Variants in MTFR1 observed in about 807,000 individuals in gnomAD.
MTFR1 encodes chondrocyte protein with a poly-proline region.
MTFR1 carries 28 observed loss-of-function variants against 38.8 expected under a neutral mutation model. That is an observed-to-expected ratio of 0.72 (90% CI 0.53 to 0.99). The LOEUF (loss-of-function observed/expected upper bound fraction) is 0.99. MTFR1 is among the 50% of genes least tolerant of loss of function. The pLI is 0.00. For missense variants in MTFR1, 358 were observed against 395.5 expected (o/e 0.91, Z 0.81); for synonymous variants, 145 against 137.0 (o/e 1.06, Z -0.41).
chr8:65,666,125 A>G lies in MTFR1; in HGVS notation c.-80-3748A>G, dbSNP rs182255979. On this transcript the variant is annotated intron_variant, in intron 1 of 7. Coordinates refer to ENST00000262146, the MANE Select transcript of MTFR1 (RefSeq NM_014637.4). Reference sequence around the variant, plus strand: ...GAAAATATTAAAATAGAAAACACCCAGCTGGGCACAGTGCCTCAGGCCTGT... The same window carrying G: ...GAAAATATTAAAATAGAAAACACCCGGCTGGGCACAGTGCCTCAGGCCTGT... Among the ~76,000 whole-genome samples, 115 of 152,276 alleles carry G rather than the reference A, an allele frequency of 7.6e-4. 2 individuals carry two copies. The highest frequency in any genetic ancestry group is 1.1e-3 in the Non-Finnish European group (72 of 68,002).
intron 1 of MTFR1, among the ~76,000 whole-genome samples, chr8:65,656,614 G>A (rs907965189): frequency 6.6e-6 from 1 of 150,560 alleles, no homozygotes; most frequent in Non-Finnish European, 1.5e-5. Context: ...CGATTCTCAC[G>A]CCTCAGCCTC....
intron 3 of MTFR1, among the ~76,000 whole-genome samples, chr8:65,769,981 A>G (rs1808997717): frequency 6.6e-6 from 1 of 151,412 alleles, no homozygotes; most frequent in Non-Finnish European, 1.5e-5. Flanking sequence ...GAATAATTTC[A>G]TAATACCATA....
At chr8:65,735,494 A>G (rs937757041) in intron 3 of MTFR1, among the ~76,000 whole-genome samples, 2 of 151,854 alleles carry the variant, frequency 1.3e-5, no homozygotes, top group Non-Finnish European at 2.9e-5. Flanking sequence ...TATTTTTTAT[A>G]AAGACAGGAT....
At chr8:65,663,727 C>G (rs1804280904) in intron 1 of MTFR1, among the ~76,000 whole-genome samples, 2 of 151,380 alleles carry the variant, frequency 1.3e-5, no homozygotes, top group African/African-American at 2.4e-5. Context: ...GTCCAATTAC[C>G]TTGGGAAATG....
intron 1 of MTFR1, among the ~76,000 whole-genome samples, chr8:65,649,942 G>A (rs1046416491): frequency 2.0e-5 from 3 of 151,802 alleles, no homozygotes; most frequent in Non-Finnish European, 2.9e-5. Context: ...GGGTTCAAGC[G>A]ATTCTCCTGC....
chr8:65,733,515 A>T lies in MTFR1; in HGVS notation c.*48+14034A>T, dbSNP rs190869054. On this transcript the variant is annotated intron_variant, in intron 3 of 3. Coordinates refer to the MTFR1 transcript ENST00000521247. ...GAGACCCTGTCTCTACAAAAAATTT[A>T]AAAAATTAGCTGGCCTCCAGCTTGA... is the stretch of plus-strand genomic sequence containing the variant. 5.2e-3 allele frequency among the ~76,000 whole-genome samples: 789 copies of T among 152,212 alleles called. 6 individuals are homozygous for T. The highest frequency in any genetic ancestry group is 6.4e-3 in the Non-Finnish European group (436 of 68,010).
chr8:65,720,900 A>C (rs1420091750), intron 3 of MTFR1, among the ~76,000 whole-genome samples: 3 of 152,172 alleles, frequency 2.0e-5, no homozygotes, highest in Admixed American at 6.5e-5. Context: ...AAGCCACTGG[A>C]GTTATCTACC....
At chr8:65,754,730 G>A (rs1387302085) in intron 3 of MTFR1, among the ~76,000 whole-genome samples, 2 of 150,594 alleles carry the variant, frequency 1.3e-5, no homozygotes, top group African/African-American at 4.9e-5. Flanking sequence ...ACTTTGGGAG[G>A]CTGAGGCGAG....
chr8:65,677,475 C>T (rs1342949062), intron 2 of MTFR1, among the ~76,000 whole-genome samples: 1 of 149,000 alleles, frequency 6.7e-6, no homozygotes, highest in African/African-American at 2.5e-5. Context: ...CTCTGCCTCC[C>T]AGGTTTAAGC....
chr8:65,761,615 T>TA (rs1481913488), intron 3 of MTFR1, among the ~76,000 whole-genome samples: 1 of 152,200 alleles, frequency 6.6e-6, no homozygotes, highest in Non-Finnish European at 1.5e-5. Context: ...GGCTCTTTTC[T>TA]AAAATATCAC....
chr8:65,645,809 G>A (rs1049872289), intron 1 of MTFR1, among the ~76,000 whole-genome samples: 3 of 151,732 alleles, frequency 2.0e-5, no homozygotes, highest in South Asian at 2.1e-4. Context: ...GATTACAGGC[G>A]GGAGTCATCG....
rs1369150443 is a variant in MTFR1, at chr8:65,682,551, AC to A, written c.165+102del. 6.3e-5 allele frequency: 42 copies of A among 670,234 alleles called. No individual in the cohort carries two copies. In the Admixed American group the frequency reaches 8.1e-4, roughly 13 times the overall value. 41.5% of individuals were successfully genotyped at this position (670,234 alleles called of 1,614,324 possible). A position where few individuals can be genotyped will look rare whatever the true frequency, so the allele number is the denominator to read the frequency against. On this transcript the variant is annotated intron_variant, in intron 3 of 7. Transcript: ENST00000262146. Reference sequence around the variant, plus strand: ...AAGCATTTTGTTTTTGAGACTTTTCACCAATTGATGCCACTATCAATACAAT... The same window carrying A: ...AAGCATTTTGTTTTTGAGACTTTTCACAATTGATGCCACTATCAATACAAT...
chr8:65,713,201 G>A (rs35411381), downstream of MTFR1, among the ~76,000 whole-genome samples: 57,376 of 152,086 alleles, frequency 0.38, 14,114 homozygotes, highest in Non-Finnish European at 0.56. Flanking sequence ...AGCACTTTGG[G>A]AGGCTGAGGC....
At chr8:65,647,294 A>G (rs1009996010) in intron 1 of MTFR1, among the ~76,000 whole-genome samples, 1 of 152,112 alleles carries the variant, frequency 6.6e-6, no homozygotes, top group Non-Finnish European at 1.5e-5. Context: ...AATGGTATAT[A>G]GTAGGATTTT....
At position 65,655,970 on chromosome 8, in the gene MTFR1, C is replaced by CATATATGTATATATATAT. The variant is rs1809253253; in HGVS notation, c.-81+11192_-81+11193insGTATATATATATATATAT. On this transcript the variant is annotated intron_variant, in intron 1 of 7. Transcript: ENST00000262146. ...AAAAAAAATATATATATATATATACCATATATATATATATGGTAGTGGGTT... is the reference window on the plus strand; with the variant it reads ...AAAAAAAATATATATATATATATACCATATATGTATATATATATATATATATATATATGGTAGTGGGTT... 5.6e-5 allele frequency among the ~76,000 whole-genome samples: 3 copies of CATATATGTATATATATAT among 53,636 alleles called. No individual in the cohort carries two copies. The Admixed American group carries it at 7.7e-4, about 14-fold the overall frequency. 35.2% of individuals were successfully genotyped at this position (53,636 alleles called of 152,430 possible). A position where few individuals can be genotyped will look rare whatever the true frequency, so the allele number is the denominator to read the frequency against.
intron 3 of MTFR1, chr8:65,725,022 T>C: frequency 6.8e-6 from 4 of 584,172 alleles, no homozygotes; most frequent in Non-Finnish European, 1.1e-5. Flanking sequence ...TATAGAACCC[T>C]AAAATATCCA....
downstream of MTFR1, chr8:65,714,841 A>G (rs2129061611): frequency 6.6e-6 from 1 of 152,346 alleles, no homozygotes; most frequent in South Asian, 2.1e-4. Flanking sequence ...AATTACTAGC[A>G]CCTCTAATCT....
At chr8:65,739,454 T>A (rs369688593) in intron 3 of MTFR1, 40 of 1,503,452 alleles carry the variant, frequency 2.7e-5, no homozygotes, top group Admixed American at 1.0e-4. Context: ...AAACAGGTTC[T>A]TGTATAAATG....
At chr8:65,747,825 G>A in intron 3 of MTFR1, 1 of 1,564,302 alleles carries the variant, frequency 6.4e-7, no homozygotes, top group Non-Finnish European at 8.7e-7. Flanking sequence ...AGAATAAAAG[G>A]TAAGTATAGC....
Sources: allele counts gnomAD v4.1 joint callset (sites outside exome capture counted in the v4.1 genomes callset), GRCh38; gene constraint gnomAD v4.1.1; transcripts MANE v1.5; gene names NCBI Gene and HGNC (gene_info 2026-07-23, HGNC 2026-07-21).